IQUB: variants seen among roughly 807,000 people sequenced by gnomAD.
IQUB encodes IQ motif and ubiquitin domain containing, also known as IQ motif and ubiquitin-like domain-containing protein.
In IQUB, 86 loss-of-function variants were observed where a neutral mutation model predicts 86.4. That is an observed-to-expected ratio of 1.00 (90% CI 0.84 to 1.19). IQUB has a LOEUF of 1.19. IQUB is among the 50% of genes most tolerant of loss of function. The pLI is 0.00. For missense variants in IQUB, 946 were observed against 916.9 expected (o/e 1.03, Z -0.41); for synonymous variants, 289 against 304.5 (o/e 0.95, Z 0.53).
chr7:123,463,018 G>A (rs1794073631), intron 10 of IQUB, among the ~76,000 whole-genome samples: 1 of 151,574 alleles, frequency 6.6e-6, no homozygotes, highest in Non-Finnish European at 1.5e-5. Flanking sequence ...GTGCAAATGA[G>A]CCATTCCTTT....
At chr7:123,527,907 C>A (rs1001849967) in intron 1 of IQUB, among the ~76,000 whole-genome samples, 5 of 152,234 alleles carry the variant, frequency 3.3e-5, no homozygotes, top group Non-Finnish European at 5.9e-5. Context: ...GGCGCCCCTC[C>A]CCCAGCCTCG....
At chr7:123,532,230 T>G (rs1196163776) in intron 1 of IQUB, 1 of 152,176 alleles carries the variant, frequency 6.6e-6, no homozygotes, top group Non-Finnish European at 1.5e-5. Flanking sequence ...CTAATAAAAA[T>G]TATTTTTTTC....
chr7:123,527,599 T>TG (rs980582321), intron 1 of IQUB, among the ~76,000 whole-genome samples: 7 of 147,258 alleles, frequency 4.8e-5, no homozygotes, highest in African/African-American at 1.1e-4. Context: ...CTGCCCCTGC[T>TG]GGGGGGTGCC....
intron 7 of IQUB, among the ~76,000 whole-genome samples, chr7:123,494,691 T>C (rs17146044): frequency 0.017 from 2,632 of 152,246 alleles, 81 homozygotes; most frequent in African/African-American, 0.06. Flanking sequence ...ATAGCTCGCA[T>C]ATGTATAGGT....
chr7:123,483,008 T>C (rs1795072321), intron 7 of IQUB, among the ~76,000 whole-genome samples: 1 of 152,144 alleles, frequency 6.6e-6, no homozygotes, highest in South Asian at 2.1e-4. Context: ...GTATCATAAG[T>C]TTCAGTTCAT....
At chr7:123,465,056 A>C in intron 9 of IQUB, 47 bp from the exon 10 acceptor site, 1 of 1,268,290 alleles carries the variant, frequency 7.9e-7, no homozygotes, top group Non-Finnish European at 1.1e-6. Flanking sequence ...ACAAATCACT[A>C]AGTTCACTTT....
chr7:123,525,912 C>T (rs893014737), intron 1 of IQUB, among the ~76,000 whole-genome samples: 8 of 144,926 alleles, frequency 5.5e-5, no homozygotes, highest in African/African-American at 7.7e-5. Flanking sequence ...TCTTTGTTCT[C>T]GTTGGTTTCA....
In IQUB at chr7:123,512,141, C is replaced by T. The variant is rs1021317421; in HGVS notation, c.200G>A (p.Ser67Asn). The T allele has an allele frequency of 6.2e-7, 1 of 1,614,004 alleles. No homozygotes were observed. The change falls in exon 2 of 13, where the codon AGC (serine) becomes AAC (asparagine). Residue 67 changes from serine (S) to asparagine (N), a missense_variant. Coordinates refer to ENST00000324698, the MANE Select transcript of IQUB (RefSeq NM_178827.5). ...AIHVEEQSDQSFSSLEPDNEQ... is the reference protein window; with the variant it reads ...AIHVEEQSDQNFSSLEPDNEQ... ...ATTGTCTGGTTCCAGGCTTGAAAAG[C>T]TTTGGTCACTCTGCTCCTCAACATG... is the stretch of plus-strand genomic sequence containing the variant.
At chr7:123,455,871 GGA>G (rs1793672260) in intron 12 of IQUB, among the ~76,000 whole-genome samples, 2 of 152,096 alleles carry the variant, frequency 1.3e-5, no homozygotes, top group African/African-American at 4.8e-5. Context: ...GTGCACACAA[GGA>G]GAGATCAATC....
intron 7 of IQUB, among the ~76,000 whole-genome samples, chr7:123,491,106 C>T (rs920443524): frequency 4.6e-5 from 7 of 152,100 alleles, no homozygotes; most frequent in Non-Finnish European, 1.0e-4. Flanking sequence ...AAATAACCTA[C>T]TTCTAAGTAT....
In IQUB at chr7:123,462,530, T is replaced by C. The variant is rs891373472; in HGVS notation, c.1759-925A>G. 1.4e-5 allele frequency: 3 copies of C among 213,324 alleles called. No homozygotes were observed. In the Admixed American group the frequency reaches 1.5e-4, roughly 11 times the overall value. The allele number at this position is 213,324 out of a possible 1,614,324, so 13.2% of individuals were successfully genotyped here. ...GTAATATTCTTTGAAAACTTCATTG[T>C]CCCTTGTCTTGTAATTTTGGGAGAT... is the stretch of plus-strand genomic sequence containing the variant. On this transcript the variant is annotated intron_variant, in intron 10 of 12. Coordinates refer to ENST00000324698, the MANE Select transcript of IQUB (RefSeq NM_178827.5).
chr7:123,481,339 CTGATT>C, intron 7 of IQUB, among the ~76,000 whole-genome samples: 1 of 152,200 alleles, frequency 6.6e-6, no homozygotes, highest in South Asian at 2.1e-4. Flanking sequence ...TCAAGCTCCT[CTGATT>C]TATCATAGTA....
chr7:123,476,321 T>C (rs1025608629), intron 8 of IQUB, among the ~76,000 whole-genome samples: 2 of 152,124 alleles, frequency 1.3e-5, no homozygotes, highest in African/African-American at 4.8e-5. Flanking sequence ...TCAGGGTCAA[T>C]AGCTAGCTAC....
rs773472646 is a variant in IQUB, at chr7:123,512,207, T to C, written c.134A>G (p.His45Arg). ...ACTGAATTGTTCTATTCCAGATTCA[T>C]GCTCTTCAGTTTGATCTGACTCTTG... ...EPQESDQTEE[H>R]ESGIEQFSES... is the part of the protein sequence containing the mutation. Residue 45 changes from histidine to arginine, a missense_variant, in exon 2 of 13, where the codon CAT (histidine) becomes CGT (arginine). His to Arg is a conservative substitution (Grantham distance 29). Coordinates refer to ENST00000324698, the MANE Select transcript of IQUB (RefSeq NM_178827.5). 6.2e-7 allele frequency: 1 copy of C among 1,614,102 alleles called. No individual in the cohort carries two copies. The highest frequency in any genetic ancestry group is 1.1e-5 in the South Asian group (1 of 91,076).
At chr7:123,516,242 T>C (rs556940880) in intron 1 of IQUB, among the ~76,000 whole-genome samples, 21 of 152,254 alleles carry the variant, frequency 1.4e-4, no homozygotes, top group African/African-American at 5.1e-4. Flanking sequence ...AGGTCAGTAG[T>C]ATAGGAAATG....
chr7:123,507,351 C>A (rs1796225662), intron 3 of IQUB, among the ~76,000 whole-genome samples: 1 of 152,138 alleles, frequency 6.6e-6, no homozygotes, highest in Non-Finnish European at 1.5e-5. Flanking sequence ...CAACTGTAGG[C>A]TAATGTAACT....
intron 8 of IQUB, among the ~76,000 whole-genome samples, chr7:123,472,795 C>G (rs1471290435): frequency 6.6e-6 from 1 of 152,220 alleles, no homozygotes; most frequent in Non-Finnish European, 1.5e-5. Flanking sequence ...GTGTTTTTAA[C>G]TCTGACGCAG....
At chr7:123,452,997 T>G in intron 12 of IQUB, 72 bp from the exon 13 acceptor site, 1 of 1,144,812 alleles carries the variant, frequency 8.7e-7, no homozygotes, top group Non-Finnish European at 1.2e-6. Context: ...CTGTCATGCC[T>G]CGGTGCCTTT....
chr7:123,479,753 C>G (rs749318313), intron 8 of IQUB, 42 bp downstream of exon 8: 16 of 1,411,858 alleles, frequency 1.1e-5, no homozygotes, highest in Non-Finnish European at 1.6e-5. Context: ...CATTTTTTAA[C>G]TCAGAATACA....
Sources: gnomAD v4.1 joint callset for allele counts (sites outside exome capture counted in the v4.1 genomes callset) on GRCh38, gnomAD v4.1.1 for gene constraint, MANE v1.5 for transcripts, NCBI Gene and HGNC (gene_info 2026-07-23, HGNC 2026-07-21) for gene names.